SOS1: variants seen among roughly 807,000 people sequenced by gnomAD.
The protein encoded by SOS1 is son of sevenless homolog 1.
Under a neutral mutation model 157.6 loss-of-function variants are expected in SOS1, and 25 were observed. That is an observed-to-expected ratio of 0.16 (90% confidence interval 0.12 to 0.22). SOS1 has a LOEUF of 0.22. SOS1 is among the 10% of genes least tolerant of loss of function. The probability of loss-of-function intolerance (pLI) is 1.00; values close to 1 mark genes in which losing one functional copy is unlikely to be tolerated. For missense variants in SOS1, 1,237 were observed against 1,599.1 expected, an observed-to-expected ratio of 0.77 and a Z score of 3.86; for synonymous variants, 528 against 534.0, an observed-to-expected ratio of 0.99 and a Z score of 0.16.
At chr2:39,071,868 C>G (rs188420501) in intron 1 of SOS1, among the ~76,000 whole-genome samples, 1 of 150,048 alleles carries the variant, frequency 6.7e-6, no homozygotes, top group East Asian at 1.9e-4. Context: ...TTCCCCATGC[C>G]TGTCATTCAT....
intron 1 of SOS1, among the ~76,000 whole-genome samples, chr2:39,096,596 T>C (rs970938340): frequency 2.6e-5 from 4 of 152,118 alleles, no homozygotes; most frequent in African/African-American, 9.7e-5. Flanking sequence ...ACTAAAAATA[T>C]CTTGGCTGGC....
In SOS1 at chr2:39,006,645, G is replaced by T. The variant is rs187337572; in HGVS notation, c.2674-116C>A. Reference sequence around the variant, plus strand: ...ACAGTATCAATTTGATTTTATGACTGTAACATTGCTTCAAATATTGCTTCA... The same window carrying T: ...ACAGTATCAATTTGATTTTATGACTTTAACATTGCTTCAAATATTGCTTCA... On this transcript the variant is annotated intron_variant, in intron 16 of 22. Transcript: ENST00000402219. 370 of 720,962 alleles carry T rather than the reference G, an allele frequency of 5.1e-4. 2 individuals carry two copies. Among genetic ancestry groups the T allele is most frequent in the Non-Finnish European group, 8.1e-4 (326 of 402,016 alleles). The allele number at this position is 720,962 out of a possible 1,614,324, so 44.7% of individuals were successfully genotyped here.
At chr2:39,023,314 T>C (rs1248349406) in intron 9 of SOS1, 89 bp from the exon 10 acceptor site, 4 of 934,072 alleles carry the variant, frequency 4.3e-6, no homozygotes, top group Non-Finnish European at 6.6e-6. Flanking sequence ...AGTAGATTTT[T>C]ACAAGTCTCA....
At chr2:39,067,547 C>G in intron 2 of SOS1, 81 bp downstream of exon 2, 1 of 1,283,720 alleles carries the variant, frequency 7.8e-7, no homozygotes, top group Non-Finnish European at 1.1e-6. Flanking sequence ...ATAGAGAGAG[C>G]AAATTCTTTC....
intron 6 of SOS1, among the ~76,000 whole-genome samples, chr2:39,048,259 T>G (rs906001533): frequency 6.6e-6 from 1 of 152,210 alleles, no homozygotes; most frequent in Non-Finnish European, 1.5e-5. Flanking sequence ...AATACTGTAG[T>G]TGGGTAGAAA....
chr2:39,083,612 G>C (rs1572880070), intron 1 of SOS1, among the ~76,000 whole-genome samples: 1 of 152,260 alleles, frequency 6.6e-6, no homozygotes, highest in Admixed American at 6.5e-5. Flanking sequence ...CTTGGAAAAA[G>C]TTATTCTCAT....
intron 2 of SOS1, among the ~76,000 whole-genome samples, chr2:39,066,504 G>A (rs906706260): frequency 1.3e-5 from 2 of 151,944 alleles, no homozygotes; most frequent in Admixed American, 6.5e-5. Flanking sequence ...TCCAACTTTC[G>A]ACTCCTTCCG....
intron 5 of SOS1, among the ~76,000 whole-genome samples, chr2:39,054,080 A>G (rs897581430): frequency 7.9e-5 from 12 of 152,066 alleles, no homozygotes; most frequent in Non-Finnish European, 1.3e-4. Flanking sequence ...GACGCTCGCC[A>G]CCACGCCCGG....
At chr2:39,043,405 C>T (rs537722249) in intron 6 of SOS1, among the ~76,000 whole-genome samples, 2 of 152,196 alleles carry the variant, frequency 1.3e-5, no homozygotes, top group South Asian at 4.1e-4. Flanking sequence ...TCTTTACTGT[C>T]GTTATGTAGT....
intron 1 of SOS1, among the ~76,000 whole-genome samples, chr2:39,113,986 C>T (rs1424280605): frequency 6.6e-6 from 1 of 152,224 alleles, no homozygotes; most frequent in Non-Finnish European, 1.5e-5. Flanking sequence ...AATAAAACTG[C>T]TCTGACATAG....
intron 15 of SOS1, among the ~76,000 whole-genome samples, chr2:39,008,907 A>G (rs915611717): frequency 1.3e-5 from 2 of 150,840 alleles, no homozygotes; most frequent in Non-Finnish European, 3.0e-5. Context: ...GTTTCCAGCA[A>G]AAACAGATGA....
intron 20 of SOS1, among the ~76,000 whole-genome samples, chr2:38,989,822 AG>A (rs1668676341): frequency 6.6e-6 from 1 of 152,130 alleles, no homozygotes; most frequent in Non-Finnish European, 1.5e-5. Flanking sequence ...AAATTGATAC[AG>A]GGTTTTTCCT....
chr2:39,056,054 GT>G (rs1225129962), intron 4 of SOS1, among the ~76,000 whole-genome samples: 10 of 152,104 alleles, frequency 6.6e-5, no homozygotes, highest in Admixed American at 5.2e-4. Context: ...TAAAACTATC[GT>G]TTTGTGGTTT....
intron 8 of SOS1, among the ~76,000 whole-genome samples, chr2:39,030,308 A>T (rs925041403): frequency 6.6e-5 from 10 of 151,360 alleles, no homozygotes; most frequent in African/African-American, 2.4e-4. Flanking sequence ...TCATGCCATT[A>T]ACCCCAGCAC....
At chr2:39,104,878 AG>A (rs1673105973) in intron 1 of SOS1, among the ~76,000 whole-genome samples, 1 of 152,242 alleles carries the variant, frequency 6.6e-6, no homozygotes, top group African/African-American at 2.4e-5. Context: ...TGGTAGAGAC[AG>A]AAAGTAGATT....
chr2:39,094,626 C>T (rs1466528186), intron 1 of SOS1, among the ~76,000 whole-genome samples: 2 of 150,490 alleles, frequency 1.3e-5, no homozygotes, highest in Non-Finnish European at 2.9e-5. Flanking sequence ...GCACTCCAGC[C>T]TGGACGACAG....
chr2:39,121,226 T>C (rs1385188653), upstream of SOS1, among the ~76,000 whole-genome samples: 3 of 152,136 alleles, frequency 2.0e-5, no homozygotes, highest in African/African-American at 2.4e-5. Context: ...AGTCGCACCC[T>C]GGCAAAGTGG....
At chr2:38,995,604 A>T (rs867026532) in intron 19 of SOS1, among the ~76,000 whole-genome samples, 2 of 152,236 alleles carry the variant, frequency 1.3e-5, no homozygotes, top group South Asian at 2.1e-4. Flanking sequence ...ATTTCTTTAA[A>T]TAACTAAGTT....
intron 1 of SOS1, among the ~76,000 whole-genome samples, chr2:39,113,912 G>T (rs1673539839): frequency 6.6e-6 from 1 of 152,088 alleles, no homozygotes; most frequent in Non-Finnish European, 1.5e-5. Flanking sequence ...AATAATCTGA[G>T]CAAAAAGGTC....
Sources: gnomAD v4.1 joint callset for allele counts (sites outside exome capture counted in the v4.1 genomes callset) on GRCh38, gnomAD v4.1.1 for gene constraint, MANE v1.5 for transcripts, NCBI Gene and HGNC (gene_info 2026-07-23, HGNC 2026-07-21) for gene names.